The following EYA1 variants were observed in gnomAD, a reference collection of about 807,000 sequenced individuals.
EYA1 encodes the protein protein phosphatase EYA1.
In EYA1, 16 loss-of-function variants were observed where a neutral mutation model predicts 82.0. The ratio of observed to expected loss-of-function variants is 0.20; its 90% CI spans 0.13 to 0.30. The LOEUF is 0.30. Ranked by LOEUF, EYA1 falls within the 10% of genes least tolerant of loss-of-function variation. The pLI is 1.00. For synonymous variants in EYA1, 261 were observed against 264.4 expected (o/e 0.99, Z 0.12); for missense variants, 633 against 730.7 (o/e 0.87, Z 1.54).
intron 2 of EYA1, among the ~76,000 whole-genome samples, chr8:71,465,919 T>C (rs547616513): frequency 4.7e-4 from 71 of 152,274 alleles, no homozygotes; most frequent in Non-Finnish European, 8.8e-4. Context: ...GTTTCCAAGG[T>C]GATGGAAAGA....
chr8:71,317,608 C>T lies in EYA1; in HGVS notation c.500G>A (p.Gly167Asp). The T allele has an allele frequency of 6.2e-7, 1 of 1,614,102 alleles. No homozygotes were observed. The highest frequency in any genetic ancestry group is 8.5e-7 in the Non-Finnish European group (1 of 1,179,986). ...AGGTTGAGGGGTACTGAAGCTTGTG[C>T]CATAGCTGAGAAATCCTGTCTGTCC... ...SPGQTGFLSY[G>D]TSFSTPQPGQ... Residue 167 changes from glycine to aspartate, a missense_variant, in exon 7 of 18, where the codon GGC becomes GAC. Transcript: ENST00000340726.
chr8:71,362,431 C>T (rs1239414246), upstream of EYA1, among the ~76,000 whole-genome samples: 1 of 152,012 alleles, frequency 6.6e-6, no homozygotes, highest in African/African-American at 2.4e-5. Flanking sequence ...AGTAGTTACA[C>T]GTTATCTTTT....
chr8:71,457,241 C>A (rs1357744591), intron 2 of EYA1, among the ~76,000 whole-genome samples: 1 of 152,018 alleles, frequency 6.6e-6, no homozygotes, highest in Non-Finnish European at 1.5e-5. Context: ...GAATGGTGAT[C>A]ATTAAAAAGT....
intron 11 of EYA1, among the ~76,000 whole-genome samples, chr8:71,267,986 A>T (rs1816070235): frequency 6.6e-6 from 1 of 152,250 alleles, no homozygotes; most frequent in Non-Finnish European, 1.5e-5. Context: ...TTTGTAATAC[A>T]TTATTTAGAG....
chr8:71,322,011 A>C (rs912326674), intron 5 of EYA1, 132 bp from the exon 6 acceptor site: 42 of 1,288,296 alleles, frequency 3.3e-5, no homozygotes, highest in Middle Eastern at 3.6e-4. Flanking sequence ...AGAATTGACA[A>C]AGCACTGAAA....
At chr8:71,348,683 C>T (rs1223887767) in intron 3 of EYA1, among the ~76,000 whole-genome samples, 1 of 152,174 alleles carries the variant, frequency 6.6e-6, no homozygotes, top group Non-Finnish European at 1.5e-5. Context: ...ACGGGCCACC[C>T]CTCTATTCCT....
intron 3 of EYA1, among the ~76,000 whole-genome samples, chr8:71,347,415 C>T (rs1425651516): frequency 1.3e-5 from 2 of 152,240 alleles, no homozygotes; most frequent in Admixed American, 6.5e-5. Flanking sequence ...CTCTGCCTCC[C>T]GGGTTCACAC....
At chr8:71,312,333 A>C (rs1001664201) in intron 7 of EYA1, among the ~76,000 whole-genome samples, 44 of 152,212 alleles carry the variant, frequency 2.9e-4, no homozygotes, top group African/African-American at 1.0e-3. Flanking sequence ...GAGGTCTGAC[A>C]GTTCTAAGCC....
chr8:71,253,849 A>T (rs1281365986), intron 11 of EYA1, among the ~76,000 whole-genome samples: 6 of 152,196 alleles, frequency 3.9e-5, no homozygotes, highest in Admixed American at 2.0e-4. Context: ...TTAATCAAAA[A>T]TATGCAATAA....
At chr8:71,246,763 C>T (rs1308338396) in intron 11 of EYA1, among the ~76,000 whole-genome samples, 1 of 152,200 alleles carries the variant, frequency 6.6e-6, no homozygotes, top group Non-Finnish European at 1.5e-5. Flanking sequence ...CATGTTTGTA[C>T]AGTTAGGAGA....
At chr8:71,503,496 C>T (rs1586844129) in intron 2 of EYA1, among the ~76,000 whole-genome samples, 1 of 151,754 alleles carries the variant, frequency 6.6e-6, no homozygotes, top group East Asian at 1.9e-4. Context: ...GAAGAATCAC[C>T]TTCAGTACAC....
intron 4 of EYA1, among the ~76,000 whole-genome samples, chr8:71,327,331 A>G (rs532223866): frequency 1.3e-5 from 2 of 152,362 alleles, no homozygotes; most frequent in African/African-American, 2.4e-5. Flanking sequence ...TTTGTTACAC[A>G]ATATTTTTTC....
chr8:71,437,677 C>T (rs2129167527), intron 2 of EYA1, among the ~76,000 whole-genome samples: 1 of 151,786 alleles, frequency 6.6e-6, no homozygotes, highest in Non-Finnish European at 1.5e-5. Flanking sequence ...TTAACAAAAG[C>T]CCAACAAATT....
chr8:71,533,368 G>C (rs1379663105), intron 2 of EYA1, among the ~76,000 whole-genome samples: 1 of 152,202 alleles, frequency 6.6e-6, no homozygotes, highest in Admixed American at 6.5e-5. Context: ...GCCAAATGCT[G>C]TTAACTGTTG....
chr8:71,314,172 G>A (rs957074386), intron 7 of EYA1, among the ~76,000 whole-genome samples: 1 of 151,982 alleles, frequency 6.6e-6, no homozygotes, highest in Non-Finnish European at 1.5e-5. Flanking sequence ...AGGGAATTTT[G>A]AAAATAATTT....
chr8:71,271,872 T>G lies in EYA1; in HGVS notation c.852A>C (p.Ser284=). The change falls in exon 10 of 18, where the codon TCA becomes TCC. Residue 284 remains serine, a synonymous_variant. Coordinates refer to ENST00000340726, the MANE Select transcript of EYA1 (RefSeq NM_000503.6). ...CAGAATCTGAATCTTTAATGGGTGT[T>G]GATGGGCTGTGGATTGTGCTGTACT... ...TAEYSTIHSP[S]TPIKDSDSDR... is the part of the protein sequence containing the mutation. 6.2e-7 allele frequency: 1 copy of G among 1,614,214 alleles called. No individual in the cohort carries two copies. Among genetic ancestry groups the G allele is most frequent in the Non-Finnish European group, 8.5e-7 (1 of 1,180,038 alleles).
intron 2 of EYA1, among the ~76,000 whole-genome samples, chr8:71,466,920 A>G (rs1243497222): frequency 3.9e-5 from 6 of 152,072 alleles, no homozygotes; most frequent in Non-Finnish European, 8.8e-5. Context: ...TTTTAAAGTG[A>G]CTTTTTGTTT....
intron 2 of EYA1, among the ~76,000 whole-genome samples, chr8:71,513,751 G>A (rs975043986): frequency 6.6e-6 from 1 of 151,846 alleles, no homozygotes; most frequent in Non-Finnish European, 1.5e-5. Context: ...CTCCTCTCCA[G>A]CTCCTCACTA....
chr8:71,296,018 CTA>C (rs1289784124), intron 9 of EYA1, among the ~76,000 whole-genome samples: 3 of 151,880 alleles, frequency 2.0e-5, no homozygotes, highest in African/African-American at 7.3e-5. Flanking sequence ...TAGAAAATAT[CTA>C]TATTTCTCAA....
Sources: gnomAD v4.1 joint callset for allele counts (sites outside exome capture counted in the v4.1 genomes callset) on GRCh38, gnomAD v4.1.1 for gene constraint, MANE v1.5 for transcripts, NCBI Gene and HGNC (gene_info 2026-07-23, HGNC 2026-07-21) for gene names.